The following DLGAP1 variants were observed in gnomAD, a reference collection of about 807,000 sequenced individuals.
DLGAP1 encodes the protein DLG associated protein 1.
Under a neutral mutation model 90.8 loss-of-function variants are expected in DLGAP1, and 11 were observed. The ratio of observed to expected loss-of-function variants is 0.12; its 90% CI spans 0.08 to 0.20. The LOEUF (loss-of-function observed/expected upper bound fraction) is 0.20. DLGAP1 is among the 10% of genes least tolerant of loss of function. The pLI is 1.00. For synonymous variants in DLGAP1, 558 were observed against 540.7 expected, an observed-to-expected ratio of 1.03 and a Z score of -0.44; for missense variants, 1,050 against 1,333.8, an observed-to-expected ratio of 0.79 and a Z score of 3.31.
At chr18:4,153,612 A>G (rs1472802537) in intron 1 of DLGAP1, among the ~76,000 whole-genome samples, 1 of 152,178 alleles carries the variant, frequency 6.6e-6, no homozygotes, top group African/African-American at 2.4e-5. Flanking sequence ...AGTACACTAT[A>G]ATTATTTGAG....
intron 3 of DLGAP1, among the ~76,000 whole-genome samples, chr18:3,960,007 C>T (rs912664513): frequency 3.3e-5 from 5 of 152,274 alleles, no homozygotes; most frequent in African/African-American, 1.2e-4. Flanking sequence ...AAAGTGAGGT[C>T]TAGCGTCTCT....
chr18:3,598,284 G>A (rs996168993), intron 7 of DLGAP1: 7 of 152,112 alleles, frequency 4.6e-5, no homozygotes, highest in African/African-American at 1.4e-4. Flanking sequence ...CTGGCAGGCG[G>A]AGGTTGCAGT....
intron 4 of DLGAP1, among the ~76,000 whole-genome samples, chr18:3,838,902 C>T (rs1201007116): frequency 6.6e-6 from 1 of 152,030 alleles, no homozygotes; most frequent in Non-Finnish European, 1.5e-5. Context: ...TTGTTATTCT[C>T]CTTTCATAGC....
At chr18:3,774,976 C>T (rs927600725) in intron 5 of DLGAP1, among the ~76,000 whole-genome samples, 4 of 152,174 alleles carry the variant, frequency 2.6e-5, no homozygotes, top group Non-Finnish European at 5.9e-5. Flanking sequence ...ACTAACTGAA[C>T]TCATATCGCA....
intron 1 of DLGAP1, among the ~76,000 whole-genome samples, chr18:4,309,679 A>G (rs947972145): frequency 6.6e-6 from 1 of 152,196 alleles, no homozygotes; most frequent in Non-Finnish European, 1.5e-5. Context: ...ATGATGTCTT[A>G]GAGAAAAAGT....
At chr18:4,345,002 T>G (rs2081275924) in intron 1 of DLGAP1, among the ~76,000 whole-genome samples, 2 of 152,214 alleles carry the variant, frequency 1.3e-5, no homozygotes, top group Non-Finnish European at 2.9e-5. Flanking sequence ...TCAGAGATAC[T>G]GACTCATTCT....
chr18:3,839,550 A>C (rs1351535544), intron 4 of DLGAP1, among the ~76,000 whole-genome samples: 2 of 152,198 alleles, frequency 1.3e-5, no homozygotes, highest in Non-Finnish European at 2.9e-5. Flanking sequence ...TGGGAACAGA[A>C]ACATGAGCAC....
intron 1 of DLGAP1, among the ~76,000 whole-genome samples, chr18:4,338,361 T>C (rs2081117843): frequency 6.6e-6 from 1 of 152,216 alleles, no homozygotes; most frequent in Non-Finnish European, 1.5e-5. Flanking sequence ...GAGTACATAG[T>C]ACATGTCCAA....
Position 4,454,333 on chromosome 18 carries a change from C to A in DLGAP1, c.-267+673G>T, listed in dbSNP as rs1043811941. On this transcript the variant is annotated intron_variant, in intron 1 of 12. Coordinates refer to ENST00000315677, the MANE Select transcript of DLGAP1 (RefSeq NM_004746.4). This position sits in a 1 kb window ranked among gnomAD's most constrained non-coding sequence, Gnocchi z 4.7. ...GAATGTCGGGTCTCCCGGCCCGCCC[C>A]GCGATTCTCCGGGAATTGGCCTTGG... 6.6e-6 allele frequency among the ~76,000 whole-genome samples: 1 copy of A among 152,190 alleles called. No homozygotes were observed. Among genetic ancestry groups the A allele is most frequent in the African/African-American group, 2.4e-5 (1 of 41,460 alleles).
chr18:4,033,740 CTTT>C (rs34275416), intron 2 of DLGAP1, among the ~76,000 whole-genome samples: 1 of 139,888 alleles, frequency 7.1e-6, no homozygotes, highest in Admixed American at 7.2e-5. Context: ...AGTTTAGCAA[CTTT>C]TTTTTTTTTT....
At chr18:3,808,836 A>G (rs1459771061) in intron 5 of DLGAP1, among the ~76,000 whole-genome samples, 1 of 152,078 alleles carries the variant, frequency 6.6e-6, no homozygotes, top group Non-Finnish European at 1.5e-5. Context: ...AACAACAACA[A>G]CAAAAGAGAC....
intron 2 of DLGAP1, among the ~76,000 whole-genome samples, chr18:4,124,201 A>C (rs562194677): frequency 6.6e-6 from 1 of 152,074 alleles, no homozygotes; most frequent in Non-Finnish European, 1.5e-5. Context: ...TGCCAAGAAA[A>C]ACTTGTAATA....
chr18:4,074,984 C>T (rs1277171553), intron 2 of DLGAP1, among the ~76,000 whole-genome samples: 1 of 152,140 alleles, frequency 6.6e-6, no homozygotes, highest in African/African-American at 2.4e-5. Flanking sequence ...TTCTTGCTTG[C>T]AACACTTTCC....
intron 3 of DLGAP1, among the ~76,000 whole-genome samples, chr18:3,940,897 A>G (rs2072754123): frequency 6.6e-6 from 1 of 152,198 alleles, no homozygotes; most frequent in South Asian, 2.1e-4. Flanking sequence ...ATAATTTTGC[A>G]TTTCCTCATT....
intron 4 of DLGAP1, among the ~76,000 whole-genome samples, chr18:3,824,005 AT>A (rs1316129667): frequency 6.8e-6 from 1 of 146,880 alleles, no homozygotes; most frequent in African/African-American, 2.5e-5. Flanking sequence ...TGGTAAATAT[AT>A]TTTTTCCACT....
At position 4,214,614 on chromosome 18, in the gene DLGAP1, A is replaced by G. The variant is rs576175837; in HGVS notation, c.-266-63327T>C. On this transcript the variant is annotated intron_variant, in intron 1 of 12. Transcript: ENST00000315677. ...TACAGTTTGCAGTGGAAAGCCCTGT[A>G]TATCTTTCTATCTCTCAGACATGAA... is the stretch of plus-strand genomic sequence containing the variant. Among the ~76,000 whole-genome samples, 26 of 152,302 alleles carry G rather than the reference A, an allele frequency of 1.7e-4. No homozygotes were observed. The South Asian group carries it at 5.0e-3, about 29-fold the overall frequency.
At chr18:4,235,067 C>T (rs1568464244) in intron 1 of DLGAP1, among the ~76,000 whole-genome samples, 1 of 152,082 alleles carries the variant, frequency 6.6e-6, no homozygotes, top group Non-Finnish European at 1.5e-5. Flanking sequence ...GGGTTGTTCC[C>T]TTTTCTGAGC....
chr18:3,600,991 TATAG>T lies in DLGAP1; in HGVS notation c.1592-18747_1592-18744del, dbSNP rs1243016896. ...ATAGATAGATATATAGATATAGATA[TATAG>T]ATATATAGATATAGATAGATATATA... On this transcript the variant is annotated intron_variant, in intron 7 of 12. Transcript: ENST00000315677. 2.9e-5 allele frequency among the ~76,000 whole-genome samples: 4 copies of T among 136,128 alleles called. 1 individual carries two copies. The highest frequency in any genetic ancestry group is 6.1e-5 in the Non-Finnish European group (4 of 65,954). 89.3% of individuals were successfully genotyped at this position (136,128 alleles called of 152,430 possible).
intron 1 of DLGAP1, among the ~76,000 whole-genome samples, chr18:4,362,653 C>T (rs1244865791): frequency 1.3e-5 from 2 of 151,960 alleles, no homozygotes; most frequent in Non-Finnish European, 2.9e-5. Flanking sequence ...TGGAGATGGA[C>T]GGTGGTGATG....
Sources: gnomAD v4.1 joint callset for allele counts (sites outside exome capture counted in the v4.1 genomes callset) on GRCh38, gnomAD v4.1.1 for gene constraint, Gnocchi (gnomAD v3.1) non-coding constraint, MANE v1.5 for transcripts, NCBI Gene and HGNC (gene_info 2026-07-23, HGNC 2026-07-21) for gene names.